MCPH1: variants seen among roughly 807,000 people sequenced by gnomAD.
MCPH1 encodes microcephalin.
Under a neutral mutation model 84.5 loss-of-function variants are expected in MCPH1, and 104 were observed. The ratio of observed to expected loss-of-function variants is 1.23; its 90% CI spans 1.05 to 1.45. MCPH1 has a LOEUF of 1.45. MCPH1 is among the 40% of genes most tolerant of loss of function. MCPH1 has a pLI of 0.00. For missense variants in MCPH1, 1,498 were observed against 1,005.7 expected (o/e 1.49, Z -6.62); for synonymous variants, 514 against 366.8 (o/e 1.40, Z -4.58).
At chr8:6,523,121 C>T (rs1276118685) in intron 12 of MCPH1, among the ~76,000 whole-genome samples, 3 of 152,034 alleles carry the variant, frequency 2.0e-5, no homozygotes, top group Non-Finnish European at 2.9e-5. Context: ...CCTCAGTCTC[C>T]CGAGTAGCTG....
In MCPH1 at chr8:6,460,975, T is replaced by A. The variant is rs77975034; in HGVS notation, c.1935+5723T>A. 2.4e-3 allele frequency among the ~76,000 whole-genome samples: 362 copies of A among 152,290 alleles called. 4 individuals carry two copies. The highest frequency in any genetic ancestry group is 8.4e-3 in the African/African-American group (351 of 41,562). ...CCATTCCTGGAGACGATGGGTGAATTTTAACGGCCACTTAACTTTTCTAAA... is the reference window on the plus strand; with the variant it reads ...CCATTCCTGGAGACGATGGGTGAATATTAACGGCCACTTAACTTTTCTAAA... On this transcript the variant is annotated intron_variant, in intron 9 of 13. Coordinates refer to ENST00000344683, the MANE Select transcript of MCPH1 (RefSeq NM_024596.5).
intron 13 of MCPH1, chr8:6,627,051 C>A: frequency 1.0e-6 from 1 of 984,906 alleles, no homozygotes; most frequent in Non-Finnish European, 1.2e-6. Flanking sequence ...TTGGTTTGAA[C>A]ATGTCCCATG....
chr8:6,451,406 A>T (rs899955857), intron 8 of MCPH1, among the ~76,000 whole-genome samples: 1 of 152,270 alleles, frequency 6.6e-6, no homozygotes, highest in African/African-American at 2.4e-5. Flanking sequence ...TAAAGAACTT[A>T]GCTAAGTAGG....
chr8:6,599,039 C>T (rs973895199), intron 12 of MCPH1, among the ~76,000 whole-genome samples: 2 of 152,186 alleles, frequency 1.3e-5, no homozygotes, highest in Non-Finnish European at 2.9e-5. Flanking sequence ...TACTTCCTAG[C>T]GCGAATACGG....
At chr8:6,618,497 A>G (rs1189232342) in intron 12 of MCPH1, 2 of 152,206 alleles carry the variant, frequency 1.3e-5, no homozygotes, top group African/African-American at 4.8e-5. Flanking sequence ...TGAGATAGAG[A>G]TTAGATCTCA....
intron 13 of MCPH1, among the ~76,000 whole-genome samples, chr8:6,630,845 T>C (rs1002956019): frequency 6.9e-6 from 1 of 145,716 alleles, no homozygotes; most frequent in Non-Finnish European, 1.5e-5. Context: ...TTTTAAAAAG[T>C]AACAATTTGA....
At chr8:6,482,187 A>G (rs1425682826) in intron 11 of MCPH1, among the ~76,000 whole-genome samples, 1 of 152,224 alleles carries the variant, frequency 6.6e-6, no homozygotes, top group Non-Finnish European at 1.5e-5. Context: ...CAACTTTGAT[A>G]TGCCAAAGAG....
At chr8:6,505,249 C>CTTATGTATATATAGAATAGATATATTA (rs1813124632) in intron 12 of MCPH1, among the ~76,000 whole-genome samples, 1 of 16,450 alleles carries the variant, frequency 6.1e-5, no homozygotes, top group Non-Finnish European at 1.3e-4. Flanking sequence ...AATATATATT[C>CTTATGTATATATAGAATAGATATATTA]TTTATATATG....
intron 5 of MCPH1, among the ~76,000 whole-genome samples, chr8:6,436,889 G>C (rs1802728839): frequency 6.6e-6 from 1 of 151,936 alleles, no homozygotes; most frequent in South Asian, 2.1e-4. Flanking sequence ...AGAATGGGGT[G>C]AACCTGGGAG....
chr8:6,514,636 C>A (rs755170426), intron 12 of MCPH1: 1 of 1,562,918 alleles, frequency 6.4e-7, no homozygotes, highest in Non-Finnish European at 8.8e-7. Flanking sequence ...CTATTTTTCA[C>A]AAGGGAAATT....
At chr8:6,499,005 T>A (rs1811631274) in intron 11 of MCPH1, among the ~76,000 whole-genome samples, 1 of 151,708 alleles carries the variant, frequency 6.6e-6, no homozygotes, top group Admixed American at 6.6e-5. Context: ...TGAGCTGAGA[T>A]TGCACCACTG....
intron 3 of MCPH1, among the ~76,000 whole-genome samples, chr8:6,430,600 ATG>A (rs978001277): frequency 1.7e-4 from 26 of 152,298 alleles, no homozygotes; most frequent in African/African-American, 6.3e-4. Context: ...CAATATGGAT[ATG>A]TGTTTTTTAT....
At chr8:6,483,415 T>C (rs1403368912) in intron 11 of MCPH1, among the ~76,000 whole-genome samples, 1 of 152,208 alleles carries the variant, frequency 6.6e-6, no homozygotes, top group African/African-American at 2.4e-5. Context: ...ACTACCTGCT[T>C]TTGGGGCATC....
At chr8:6,557,654 A>AT (rs1345961559) in intron 12 of MCPH1, among the ~76,000 whole-genome samples, 8 of 150,632 alleles carry the variant, frequency 5.3e-5, no homozygotes, top group Admixed American at 4.0e-4. Flanking sequence ...ACAAATATAT[A>AT]TTTTTTATAT....
At chr8:6,517,535 C>T (rs547326061) in intron 12 of MCPH1, among the ~76,000 whole-genome samples, 2 of 152,294 alleles carry the variant, frequency 1.3e-5, no homozygotes, top group South Asian at 4.1e-4. Context: ...GCTCAAAGAC[C>T]AATTGAACAT....
intron 13 of MCPH1, among the ~76,000 whole-genome samples, chr8:6,624,174 C>G (rs1276855297): frequency 2.0e-5 from 3 of 152,256 alleles, no homozygotes; most frequent in African/African-American, 7.2e-5. Context: ...CTGCTTAATC[C>G]TGAGGCTTCG....
At chr8:6,441,344 A>G (rs1437694535) in intron 6 of MCPH1, among the ~76,000 whole-genome samples, 1 of 152,232 alleles carries the variant, frequency 6.6e-6, no homozygotes, top group Non-Finnish European at 1.5e-5. Context: ...AGTACAGTTT[A>G]AAACTTAACT....
At chr8:6,447,776 C>G (rs1009846938) in intron 8 of MCPH1, among the ~76,000 whole-genome samples, 1 of 152,094 alleles carries the variant, frequency 6.6e-6, no homozygotes, top group African/African-American at 2.4e-5. Flanking sequence ...GTCTTGAACT[C>G]GCGACCTCAT....
intron 13 of MCPH1, among the ~76,000 whole-genome samples, chr8:6,636,214 C>T (rs1459895339): frequency 6.6e-6 from 1 of 151,870 alleles, no homozygotes; most frequent in South Asian, 2.1e-4. Context: ...ATGGCACATG[C>T]ATGTAGTCCC....
Sources: allele counts gnomAD v4.1 joint callset (sites outside exome capture counted in the v4.1 genomes callset), GRCh38; gene constraint gnomAD v4.1.1; transcripts MANE v1.5; gene names NCBI Gene and HGNC (gene_info 2026-07-23, HGNC 2026-07-21).